Variants in GPSM2 observed in about 807,000 individuals in gnomAD.
GPSM2 encodes the protein G protein-signaling modulator 2.
GPSM2 carries 58 observed loss-of-function variants against 78.4 expected under a neutral mutation model. That is an observed-to-expected ratio of 0.74 (90% CI 0.60 to 0.92). GPSM2 has a LOEUF of 0.92. Ranked by LOEUF, GPSM2 falls within the 40% of genes least tolerant of loss-of-function variation. The pLI is 0.00. For synonymous variants in GPSM2, 224 were observed against 280.2 expected, an observed-to-expected ratio of 0.80 and a Z score of 2.00; for missense variants, 700 against 815.5, an observed-to-expected ratio of 0.86 and a Z score of 1.73.
intron 10 of GPSM2, among the ~76,000 whole-genome samples, chr1:108,912,717 C>T (rs1649853217): frequency 6.6e-6 from 1 of 152,004 alleles, no homozygotes; most frequent in South Asian, 2.1e-4. Context: ...GCACTCCAGC[C>T]TGGGCAACAG....
intron 10 of GPSM2, among the ~76,000 whole-genome samples, chr1:108,906,859 C>G (rs1649273258): frequency 6.6e-6 from 1 of 152,116 alleles, no homozygotes; most frequent in Admixed American, 6.6e-5. Flanking sequence ...AGTGCAGTGA[C>G]GGAACTATAG....
chr1:108,893,553 T>C (rs1648127805), intron 2 of GPSM2, among the ~76,000 whole-genome samples: 1 of 152,246 alleles, frequency 6.6e-6, no homozygotes, highest in Admixed American at 6.5e-5. Context: ...GATCAATTCT[T>C]AGCACTGAAA....
At chr1:108,929,392 T>C (rs1366397122) in intron 14 of GPSM2, 1 of 358,014 alleles carries the variant, frequency 2.8e-6, no homozygotes, top group African/African-American at 2.1e-5. Context: ...ACCTTGTCTT[T>C]TATCCTTGTG....
In GPSM2 at chr1:108,901,870, C is replaced by A; in HGVS notation, c.878C>A (p.Thr293Asn). ...TGTTACAGTCTTGGAAATACATATA[C>A]TTTACTTCAAGACTATGAAAAGGCC... is the stretch of plus-strand genomic sequence containing the variant. Reference protein sequence around the residue: ...QSCYSLGNTYTLLQDYEKAID... With the variant: ...QSCYSLGNTYNLLQDYEKAID... The change falls in exon 8 of 15, where the codon ACT becomes AAT. Residue 293 changes from threonine to asparagine, a missense_variant. By Grantham distance (65) the Thr-to-Asn change is moderately conservative. Transcript: ENST00000264126. 1 of 1,610,200 alleles carries A rather than the reference C, an allele frequency of 6.2e-7. No individual in the cohort carries two copies. The highest frequency in any genetic ancestry group is 8.5e-7 in the Non-Finnish European group (1 of 1,176,464).
In GPSM2 at chr1:108,898,681, G is replaced by A. The variant is rs745395767; in HGVS notation, c.597G>A (p.Ala199=). Residue 199 remains alanine (A), a synonymous_variant, in exon 6 of 15, where the codon GCG becomes GCA. Coordinates refer to ENST00000264126, the MANE Select transcript of GPSM2 (RefSeq NM_013296.5). ...LSLVTALGDR[A]AQGRAFGNLG... is the part of the protein sequence containing the mutation. Reference sequence around the variant, plus strand: ...TAGTGACTGCTTTGGGTGACCGAGCGGCACAAGGACGTGCCTTTGGAAATC... The same window carrying A: ...TAGTGACTGCTTTGGGTGACCGAGCAGCACAAGGACGTGCCTTTGGAAATC... 20 of 1,613,704 alleles carry A rather than the reference G, an allele frequency of 1.2e-5. No individual in the cohort carries two copies. The highest frequency in any genetic ancestry group is 2.2e-5 in the East Asian group (1 of 44,868).
At chr1:108,929,410 A>G (rs1031370793) in intron 14 of GPSM2, 10 of 389,320 alleles carry the variant, frequency 2.6e-5, no homozygotes, top group African/African-American at 1.4e-4. Flanking sequence ...GTGACCAATT[A>G]TAATTAAAAC....
Position 108,898,769 on chromosome 1 carries a change from C to T in GPSM2, c.681+4C>T, listed in dbSNP as rs747305026. The T allele has an allele frequency of 4.3e-6, 7 of 1,613,822 alleles. No individual in the cohort carries two copies. Among genetic ancestry groups the T allele is most frequent in the Non-Finnish European group, 5.9e-6 (7 of 1,179,848 alleles). On this transcript the variant is annotated splice_donor_region_variant and intron_variant, in intron 6 of 14. Coordinates refer to ENST00000264126, the MANE Select transcript of GPSM2 (RefSeq NM_013296.5). Reference sequence around the variant, plus strand: ...TGCAGTTATAGCTCATGAGCAGGTACAGTGGAAAGCCTTGGAGCCAGATCA... The same window carrying T: ...TGCAGTTATAGCTCATGAGCAGGTATAGTGGAAAGCCTTGGAGCCAGATCA...
intron 10 of GPSM2, among the ~76,000 whole-genome samples, chr1:108,907,608 A>G (rs1019604724): frequency 5.3e-5 from 8 of 152,342 alleles, no homozygotes; most frequent in South Asian, 2.1e-4. Context: ...GGAAATGAAA[A>G]CAAGAGAATA....
intron 9 of GPSM2, among the ~76,000 whole-genome samples, 170 bp downstream of exon 9, chr1:108,903,404 T>C (rs555034943): frequency 6.6e-6 from 1 of 152,176 alleles, no homozygotes. Flanking sequence ...CAGATCACAG[T>C]TATGTTTGTA....
intron 13 of GPSM2, 109 bp downstream of exon 13, chr1:108,922,685 AATTC>A (rs766285914): frequency 1.5e-5 from 14 of 945,816 alleles, no homozygotes; most frequent in Non-Finnish European, 2.4e-5. Context: ...AATGAGCCTG[AATTC>A]AGGTATATCT....
intron 10 of GPSM2, among the ~76,000 whole-genome samples, chr1:108,912,618 T>C (rs1649843996): frequency 1.3e-5 from 2 of 149,798 alleles, no homozygotes; most frequent in South Asian, 2.1e-4. Context: ...TGCATGCCTA[T>C]AGCCCCAGCT....
intron 10 of GPSM2, among the ~76,000 whole-genome samples, chr1:108,912,567 C>T (rs1189755171): frequency 1.4e-5 from 2 of 145,938 alleles, no homozygotes; most frequent in Non-Finnish European, 3.0e-5. Flanking sequence ...ACATAGGACC[C>T]CTGTCTGTAT....
chr1:108,925,177 T>C (rs1162050452), intron 14 of GPSM2, among the ~76,000 whole-genome samples: 1 of 152,104 alleles, frequency 6.6e-6, no homozygotes, highest in African/African-American at 2.4e-5. Context: ...TTCACTGAAA[T>C]GGAGATGACT....
In GPSM2 at chr1:108,930,298, G is replaced by GT. The variant is rs1201846670; in HGVS notation, c.*365dup. The GT allele has an allele frequency of 1.1e-5, 2 of 187,546 alleles. No homozygotes were observed. The highest frequency in any genetic ancestry group is 2.8e-4 in the South Asian group (2 of 7,162). The allele number at this position is 187,546 out of a possible 1,614,324, so 11.6% of individuals were successfully genotyped here. On this transcript the variant is annotated 3_prime_UTR_variant, in exon 15 of 15. Transcript: ENST00000264126. The stretch of plus-strand genomic sequence containing the variant: ...TTTTAACATCTTAATTGACAATGGC[G>GT]TTTTTTTATACATAACCATGGATGT...
rs1359457620 is a variant in GPSM2 at position 108,929,729 on chromosome 1, C to T, written c.1844C>T (p.Ala615Val). 1 of 1,612,708 alleles carries T rather than the reference C, an allele frequency of 6.2e-7. No individual in the cohort carries two copies. The highest frequency in any genetic ancestry group is 1.3e-5 in the African/African-American group (1 of 74,894). Residue 615 changes from alanine to valine, a missense_variant, in exon 15 of 15, where the codon GCT becomes GTT. Physicochemically the swap from Ala to Val is moderately conservative, Grantham distance 64. Coordinates refer to ENST00000264126, the MANE Select transcript of GPSM2 (RefSeq NM_013296.5). ...TCCAGATTAGATGATCAAAGATGTGCTCCACCACCTGCTACCACAAAGGGT... is the reference window on the plus strand; with the variant it reads ...TCCAGATTAGATGATCAAAGATGTGTTCCACCACCTGCTACCACAAAGGGT... ...QGSRLDDQRC[A>V]PPPATTKGPT...
intron 7 of GPSM2, among the ~76,000 whole-genome samples, chr1:108,900,049 T>C (rs926561924): frequency 2.0e-5 from 3 of 152,154 alleles, no homozygotes; most frequent in Non-Finnish European, 2.9e-5. Context: ...AATTATTAAA[T>C]GGTGTATCTG....
Position 108,934,505 on chromosome 1 carries a change from A to C in GPSM2, c.*4565A>C, listed in dbSNP as rs1204339635. ...CTTTTACATATATAACGTGTTTGTT[A>C]ATTCTAATTGTCAGTAAAAATGTGA... On this transcript the variant is annotated 3_prime_UTR_variant, in exon 15 of 15. Coordinates refer to ENST00000264126, the MANE Select transcript of GPSM2 (RefSeq NM_013296.5). 5.5e-6 allele frequency: 4 copies of C among 731,156 alleles called. No individual in the cohort carries two copies. The highest frequency in any genetic ancestry group is 8.6e-6 in the Non-Finnish European group (4 of 463,716). The allele number at this position is 731,156 out of a possible 1,614,324, so 45.3% of individuals were successfully genotyped here.
chr1:108,893,646 A>C (rs1407682357), intron 2 of GPSM2, among the ~76,000 whole-genome samples: 1 of 152,252 alleles, frequency 6.6e-6, no homozygotes, highest in Non-Finnish European at 1.5e-5. Context: ...TTACAAATAA[A>C]AATATCTTTT....
Position 108,931,617 on chromosome 1 carries a change from A to G in GPSM2, c.*1677A>G. Reference sequence around the variant, plus strand: ...GTCATAACCTGGAATTAATTACATTAAGTGCTCAGCTAAAAAAAAAAAAAA... The same window carrying G: ...GTCATAACCTGGAATTAATTACATTGAGTGCTCAGCTAAAAAAAAAAAAAA... On this transcript the variant is annotated 3_prime_UTR_variant, in exon 15 of 15. Coordinates refer to ENST00000264126, the MANE Select transcript of GPSM2 (RefSeq NM_013296.5). 8.2e-7 allele frequency: 1 copy of G among 1,222,314 alleles called. No individual in the cohort carries two copies. Among genetic ancestry groups the G allele is most frequent in the Non-Finnish European group, 1.1e-6 (1 of 933,778 alleles). The allele number at this position is 1,222,314 out of a possible 1,614,324, so 75.7% of individuals were successfully genotyped here. A position where few individuals can be genotyped will look rare whatever the true frequency, so the allele number is the denominator to read the frequency against.
Sources: gnomAD v4.1 joint callset for allele counts (sites outside exome capture counted in the v4.1 genomes callset) on GRCh38, gnomAD v4.1.1 for gene constraint, MANE v1.5 for transcripts, NCBI Gene and HGNC (gene_info 2026-07-23, HGNC 2026-07-21) for gene names.